The following DPYD variants were observed in gnomAD, a reference collection of about 807,000 sequenced individuals.
The protein encoded by DPYD is dihydropyrimidine dehydrogenase [NADP(+)].
DPYD carries 109 observed loss-of-function variants against 116.2 expected under a neutral mutation model. That is an observed-to-expected ratio of 0.94 (90% confidence interval 0.80 to 1.10). The LOEUF (loss-of-function observed/expected upper bound fraction) is 1.10, where lower values mean the gene tolerates loss of function less well. Ranked by LOEUF, DPYD falls within the 50% of genes least tolerant of loss-of-function variation. The pLI is 0.00. For synonymous variants in DPYD, 440 were observed against 432.0 expected (o/e 1.02, Z -0.23); for missense variants, 1,302 against 1,254.5 (o/e 1.04, Z -0.57).
At chr1:97,894,076 T>C (rs1672922562) in intron 1 of DPYD, among the ~76,000 whole-genome samples, 1 of 151,796 alleles carries the variant, frequency 6.6e-6, no homozygotes, top group African/African-American at 2.4e-5. Context: ...CAGATCTTTA[T>C]TTCTCACAGT....
intron 14 of DPYD, among the ~76,000 whole-genome samples, chr1:97,443,294 T>C (rs1675904005): frequency 6.6e-6 from 1 of 152,170 alleles, no homozygotes; most frequent in South Asian, 2.1e-4. Context: ...TGTCACTAGA[T>C]AATCTGAGTT....
intron 4 of DPYD, among the ~76,000 whole-genome samples, chr1:97,740,015 G>A (rs1664174026): frequency 6.6e-6 from 1 of 151,912 alleles, no homozygotes; most frequent in South Asian, 2.1e-4. Flanking sequence ...CTATGTGCTA[G>A]ACTTACTATC....
At chr1:97,133,323 A>T in intron 20 of DPYD, among the ~76,000 whole-genome samples, 1 of 152,078 alleles carries the variant, frequency 6.6e-6, no homozygotes, top group African/African-American at 2.4e-5. Context: ...TCTGATAGTG[A>T]TAACATACAA....
At chr1:97,890,794 T>C (rs1672735024) in intron 1 of DPYD, among the ~76,000 whole-genome samples, 1 of 152,008 alleles carries the variant, frequency 6.6e-6, no homozygotes. Context: ...TTTATTTCCA[T>C]AATCCATATT....
intron 11 of DPYD, among the ~76,000 whole-genome samples, chr1:97,570,995 C>T (rs564419255): frequency 1.3e-5 from 2 of 151,990 alleles, no homozygotes; most frequent in East Asian, 3.9e-4. Flanking sequence ...GTCATTTTTA[C>T]ACAAAAAGGA....
intron 20 of DPYD, among the ~76,000 whole-genome samples, chr1:97,143,498 A>G (rs540885467): frequency 6.6e-6 from 1 of 152,264 alleles, no homozygotes; most frequent in Admixed American, 6.5e-5. Context: ...AAGATAAGTG[A>G]ATCTAGATTC....
intron 3 of DPYD, among the ~76,000 whole-genome samples, chr1:97,755,892 A>G (rs986262613): frequency 1.1e-4 from 17 of 152,186 alleles, no homozygotes; most frequent in Non-Finnish European, 2.5e-4. Context: ...AATCATTTGT[A>G]TTATAATCTA....
At chr1:97,287,649 C>G (rs949902924) in intron 18 of DPYD, among the ~76,000 whole-genome samples, 1 of 152,194 alleles carries the variant, frequency 6.6e-6, no homozygotes, top group Non-Finnish European at 1.5e-5. Flanking sequence ...ACCCCTCCCC[C>G]AGCCTCGCTG....
At chr1:97,833,209 A>T (rs1669618551) in intron 2 of DPYD, among the ~76,000 whole-genome samples, 1 of 152,144 alleles carries the variant, frequency 6.6e-6, no homozygotes, top group African/African-American at 2.4e-5. Context: ...AGTTAATGGC[A>T]TAGCTACTGG....
chr1:97,785,136 T>G lies in DPYD; in HGVS notation c.233+42978A>C, dbSNP rs142965289. ...GAATATAGCTAATACAAACTTTTATTTGTAGAAAGAGAAAAACATAGCAGC... is the reference window on the plus strand; with the variant it reads ...GAATATAGCTAATACAAACTTTTATGTGTAGAAAGAGAAAAACATAGCAGC... On this transcript the variant is annotated intron_variant, in intron 3 of 22. Coordinates refer to ENST00000370192, the MANE Select transcript of DPYD (RefSeq NM_000110.4). 5.6e-3 allele frequency among the ~76,000 whole-genome samples: 859 copies of G among 152,286 alleles called. 10 individuals are homozygous for G. The highest frequency in any genetic ancestry group is 0.019 in the African/African-American group (807 of 41,556).
chr1:97,740,616 G>T (rs1664212018), intron 3 of DPYD, 137 bp from the exon 4 acceptor site: 3 of 748,970 alleles, frequency 4.0e-6, no homozygotes, highest in Admixed American at 4.5e-5. Flanking sequence ...ACATTTTTAA[G>T]CAATAAATAC....
chr1:97,258,483 T>C (rs984085311), intron 18 of DPYD, among the ~76,000 whole-genome samples: 3 of 152,178 alleles, frequency 2.0e-5, no homozygotes, highest in Non-Finnish European at 4.4e-5. Flanking sequence ...AATTGTGATC[T>C]AAAAGTGATA....
At chr1:97,632,751 A>C (rs184817887) in intron 8 of DPYD, among the ~76,000 whole-genome samples, 1 of 152,286 alleles carries the variant, frequency 6.6e-6, no homozygotes, top group East Asian at 1.9e-4. Context: ...CAATGGTCTC[A>C]GGATTTTTAA....
intron 19 of DPYD, among the ~76,000 whole-genome samples, chr1:97,201,515 T>C (rs1187231662): frequency 6.6e-6 from 1 of 152,180 alleles, no homozygotes; most frequent in Non-Finnish European, 1.5e-5. Context: ...TACATAAACA[T>C]GGCATTGCTT....
intron 3 of DPYD, chr1:97,774,982 AC>A: frequency 3.1e-6 from 1 of 326,234 alleles, no homozygotes; most frequent in Non-Finnish European, 6.5e-6. Flanking sequence ...TGGAGTAGGG[AC>A]AAAAAAAAGA....
chr1:97,659,294 A>G (rs1659119199), intron 8 of DPYD, among the ~76,000 whole-genome samples: 1 of 152,184 alleles, frequency 6.6e-6, no homozygotes, highest in South Asian at 2.1e-4. Context: ...GAATGAATAT[A>G]TAAATTTGAT....
rs562300241 is a variant in DPYD, at chr1:97,249,255, C to T, written c.2300-14261G>A. Among the ~76,000 whole-genome samples the T allele has an allele frequency of 2.8e-4, 43 of 152,040 alleles. No individual in the cohort carries two copies. The South Asian group carries it at 7.3e-3, about 26-fold the overall frequency. ...TATACGACAAATAAGTGAAAGAGAACGGAGTCCTGATATAGTCCCACAGGT... is the reference window on the plus strand; with the variant it reads ...TATACGACAAATAAGTGAAAGAGAATGGAGTCCTGATATAGTCCCACAGGT... On this transcript the variant is annotated intron_variant, in intron 18 of 22. Transcript: ENST00000370192.
intron 14 of DPYD, among the ~76,000 whole-genome samples, chr1:97,416,759 C>T (rs566842617): frequency 6.6e-6 from 1 of 152,300 alleles, no homozygotes; most frequent in South Asian, 2.1e-4. Context: ...TTGCTCCACT[C>T]ATCACTGGAA....
chr1:97,096,085 A>T (rs1002838582), intron 21 of DPYD: 4 of 152,188 alleles, frequency 2.6e-5, no homozygotes, highest in African/African-American at 9.7e-5. Flanking sequence ...TTAGGAGAGG[A>T]ACATAAACTT....
Sources: gnomAD v4.1 joint callset for allele counts (sites outside exome capture counted in the v4.1 genomes callset) on GRCh38, gnomAD v4.1.1 for gene constraint, MANE v1.5 for transcripts, NCBI Gene and HGNC (gene_info 2026-07-23, HGNC 2026-07-21) for gene names.